ZFPM2: variants seen among roughly 807,000 people sequenced by gnomAD.
ZFPM2 encodes zinc finger protein, FOG family member 2.
A neutral mutation model predicts 98.6 loss-of-function variants in ZFPM2; 20 were observed. That is an observed-to-expected ratio of 0.20 (90% CI 0.14 to 0.29). ZFPM2 has a LOEUF of 0.29. Ranked by LOEUF, ZFPM2 falls within the 10% of genes least tolerant of loss-of-function variation. The pLI is 1.00. For synonymous variants in ZFPM2, 518 were observed against 502.7 expected (o/e 1.03, Z -0.41); for missense variants, 1,310 against 1,388.6 (o/e 0.94, Z 0.90).
intron 4 of ZFPM2, among the ~76,000 whole-genome samples, chr8:105,603,353 A>G (rs1410400786): frequency 6.6e-6 from 1 of 152,142 alleles, no homozygotes; most frequent in Non-Finnish European, 1.5e-5. Flanking sequence ...TAATCTATTT[A>G]GCCTGAGGAC....
intron 5 of ZFPM2, among the ~76,000 whole-genome samples, chr8:105,749,817 C>A (rs1812435791): frequency 6.6e-6 from 1 of 151,758 alleles, no homozygotes; most frequent in Non-Finnish European, 1.5e-5. Flanking sequence ...GGAAGGGGGG[C>A]AGAAAGGAAT....
chr8:105,539,675 T>C (rs1263026109), intron 3 of ZFPM2, among the ~76,000 whole-genome samples: 1 of 152,218 alleles, frequency 6.6e-6, no homozygotes, highest in African/African-American at 2.4e-5. Context: ...GGATTTATTA[T>C]ATACCTCTTT....
At chr8:105,610,819 T>A (rs533785365) in intron 4 of ZFPM2, among the ~76,000 whole-genome samples, 1 of 152,270 alleles carries the variant, frequency 6.6e-6, no homozygotes, top group East Asian at 1.9e-4. Context: ...AGAGACAGAT[T>A]TCCTAAGGGC....
chr8:105,388,232 A>G (rs936912411), intron 1 of ZFPM2, among the ~76,000 whole-genome samples: 5 of 152,178 alleles, frequency 3.3e-5, no homozygotes, highest in Admixed American at 2.6e-4. Flanking sequence ...CAGTACTGTG[A>G]AATCAGTGGC....
intron 4 of ZFPM2, among the ~76,000 whole-genome samples, chr8:105,580,624 C>T (rs1815569761): frequency 1.3e-5 from 2 of 152,046 alleles, no homozygotes; most frequent in South Asian, 4.1e-4. Context: ...TTAAGTTTCT[C>T]TCTGCACTAC....
chr8:105,708,696 G>A (rs565266528), intron 5 of ZFPM2, among the ~76,000 whole-genome samples: 8 of 152,158 alleles, frequency 5.3e-5, no homozygotes, highest in Admixed American at 2.6e-4. Context: ...CACCCGCCTC[G>A]GCCTTCCATA....
intron 3 of ZFPM2, among the ~76,000 whole-genome samples, chr8:105,450,143 A>T (rs116752829): frequency 6.6e-6 from 1 of 152,102 alleles, no homozygotes; most frequent in Admixed American, 6.6e-5. Context: ...GTTGCTTTAT[A>T]CAGTTGCTGT....
chr8:105,628,322 C>A (rs1816696131), intron 4 of ZFPM2, among the ~76,000 whole-genome samples: 1 of 152,120 alleles, frequency 6.6e-6, no homozygotes, highest in Non-Finnish European at 1.5e-5. Context: ...ATTTTATAAG[C>A]AGGAATTATT....
At chr8:105,347,137 C>T (rs1446508293) in intron 1 of ZFPM2, among the ~76,000 whole-genome samples, 3 of 151,976 alleles carry the variant, frequency 2.0e-5, no homozygotes, top group Middle Eastern at 3.4e-3. Context: ...CCCCCCACCC[C>T]GCCCCCCAAA....
intron 5 of ZFPM2, among the ~76,000 whole-genome samples, chr8:105,770,977 A>C (rs545935224): frequency 6.6e-6 from 1 of 152,108 alleles, no homozygotes; most frequent in East Asian, 1.9e-4. Flanking sequence ...TGCTCTGCTC[A>C]CTCCTGGCCT....
chr8:105,571,781 G>A (rs1815359919), intron 4 of ZFPM2, among the ~76,000 whole-genome samples: 1 of 152,084 alleles, frequency 6.6e-6, no homozygotes, highest in Admixed American at 6.5e-5. Context: ...AAATTACTTA[G>A]GGATAATGCT....
intron 5 of ZFPM2, among the ~76,000 whole-genome samples, chr8:105,655,196 G>C (rs1586177090): frequency 1.5e-5 from 2 of 134,616 alleles, no homozygotes; most frequent in South Asian, 5.2e-4. Context: ...CAATTATAAA[G>C]TTAAGCATTA....
chr8:105,554,097 A>G (rs369205144), intron 3 of ZFPM2, among the ~76,000 whole-genome samples: 1 of 152,202 alleles, frequency 6.6e-6, no homozygotes, highest in East Asian at 1.9e-4. Context: ...TGACTCAAAC[A>G]TTGAGAAGGA....
In ZFPM2 at chr8:105,380,710, TATATATATTATATATA is replaced by T. The variant is rs1278651018; in HGVS notation, c.41-38432_41-38417del. ...TATTATATATAACATATATAATATA[TATATATATTATATATA>T]ACATATATATTATATATATATGTTA... is the stretch of plus-strand genomic sequence containing the variant. On this transcript the variant is annotated intron_variant, in intron 1 of 7. Coordinates refer to ENST00000407775, the MANE Select transcript of ZFPM2 (RefSeq NM_012082.4). 3.2e-3 allele frequency among the ~76,000 whole-genome samples: 126 copies of T among 39,314 alleles called. 22 individuals are homozygous for T. The highest frequency in any genetic ancestry group is 0.02 in the African/African-American group (118 of 6,004). The allele number at this position is 39,314 out of a possible 152,430, so 25.8% of individuals were successfully genotyped here.
At chr8:105,638,162 T>C (rs373547491) in intron 5 of ZFPM2, among the ~76,000 whole-genome samples, 8 of 152,190 alleles carry the variant, frequency 5.3e-5, no homozygotes, top group African/African-American at 9.6e-5. Context: ...TCCACCAGCA[T>C]AGCAACTTCG....
intron 3 of ZFPM2, among the ~76,000 whole-genome samples, chr8:105,496,982 C>CAA (rs1207276670): frequency 2.2e-3 from 70 of 31,184 alleles, no homozygotes; most frequent in Non-Finnish European, 3.3e-3. Flanking sequence ...AACTCCGTCT[C>CAA]AAAAAAAAAA....
intron 5 of ZFPM2, among the ~76,000 whole-genome samples, chr8:105,645,978 G>A (rs376700664): frequency 6.0e-5 from 9 of 149,590 alleles, no homozygotes; most frequent in Admixed American, 2.7e-4. Context: ...GCTTGAACCC[G>A]GGAGGCAGAG....
chr8:105,399,462 C>T (rs1811291425), intron 1 of ZFPM2, among the ~76,000 whole-genome samples: 2 of 152,076 alleles, frequency 1.3e-5, no homozygotes, highest in South Asian at 4.1e-4. Flanking sequence ...AATGAAGGAT[C>T]AATTACGACT....
intron 5 of ZFPM2, among the ~76,000 whole-genome samples, chr8:105,724,716 C>T: frequency 6.6e-6 from 1 of 151,642 alleles, no homozygotes; most frequent in Non-Finnish European, 1.5e-5. Flanking sequence ...TGAATGTTAA[C>T]TTTTTCTGTT....
Sources: gnomAD v4.1 joint callset for allele counts (sites outside exome capture counted in the v4.1 genomes callset) on GRCh38, gnomAD v4.1.1 for gene constraint, MANE v1.5 for transcripts, NCBI Gene and HGNC (gene_info 2026-07-23, HGNC 2026-07-21) for gene names.